Variants in DTNB observed in about 807,000 individuals in gnomAD.
DTNB encodes DTN-B.
DTNB carries 63 observed loss-of-function variants against 90.7 expected under a neutral mutation model. The ratio of observed to expected loss-of-function variants is 0.69; its 90% CI spans 0.57 to 0.86. The LOEUF is 0.86. DTNB is among the 40% of genes least tolerant of loss of function. The pLI is 0.00. For missense variants in DTNB, 744 were observed against 807.1 expected (o/e 0.92, Z 0.95); for synonymous variants, 277 against 286.7 (o/e 0.97, Z 0.34).
At chr2:25,474,613 T>C (rs2063423499) in intron 10 of DTNB, among the ~76,000 whole-genome samples, 1 of 152,214 alleles carries the variant, frequency 6.6e-6, no homozygotes, top group South Asian at 2.1e-4. Context: ...AGATAAACTC[T>C]TTACCTTGTC....
At chr2:25,573,795 A>AAC (rs1293534419) in intron 8 of DTNB, among the ~76,000 whole-genome samples, 1 of 152,152 alleles carries the variant, frequency 6.6e-6, no homozygotes, top group African/African-American at 2.4e-5. Flanking sequence ...CTAAGACAAT[A>AAC]ACACACATCT....
intron 9 of DTNB, among the ~76,000 whole-genome samples, chr2:25,520,473 C>G (rs1463600673): frequency 6.6e-6 from 1 of 152,196 alleles, no homozygotes; most frequent in African/African-American, 2.4e-5. Context: ...CCAGACTCAT[C>G]CATCATTTTA....
rs147813581 is a variant in DTNB, at chr2:25,523,284, A to G, written c.1001+8189T>C. ...TGTTAGCACCTTGCAGAGTAGCTAG[A>G]AGGTCCTCAATAAGTATTTGCTGAA... On this transcript the variant is annotated intron_variant, in intron 9 of 20. Coordinates refer to ENST00000406818, the MANE Select transcript of DTNB (RefSeq NM_021907.5). Among the ~76,000 whole-genome samples the G allele has an allele frequency of 9.7e-3, 1,472 of 152,326 alleles. 10 individuals are homozygous for G. The highest frequency in any genetic ancestry group is 0.016 in the Non-Finnish European group (1,113 of 68,032).
Position 25,652,471 on chromosome 2 carries a change from T to C in DTNB, c.67+123A>G, listed in dbSNP as rs546460804. ...CAACTCCATGATTCTTTAACTCCCA[T>C]TCTTCCCTCTGCAAAGCTTATAACA... On this transcript the variant is annotated intron_variant, in intron 2 of 20. Transcript: ENST00000406818. 57 of 969,726 alleles carry C rather than the reference T, an allele frequency of 5.9e-5. No individual in the cohort carries two copies. The African/African-American group carries it at 9.1e-4, about 15-fold the overall frequency. 60.1% of individuals were successfully genotyped at this position (969,726 alleles called of 1,614,324 possible).
chr2:25,448,305 G>T (rs1307818517), intron 12 of DTNB, among the ~76,000 whole-genome samples: 2 of 152,192 alleles, frequency 1.3e-5, no homozygotes, highest in Admixed American at 1.3e-4. Context: ...AGCAACAAAA[G>T]AAGTATTTGC....
chr2:25,547,779 T>C (rs902595533), intron 8 of DTNB, among the ~76,000 whole-genome samples: 5 of 152,228 alleles, frequency 3.3e-5, no homozygotes, highest in Non-Finnish European at 5.9e-5. Context: ...ACCTGTGAAA[T>C]AGTCGAGGCT....
At chr2:25,442,327 TA>T (rs2057600516) in intron 12 of DTNB, among the ~76,000 whole-genome samples, 1 of 152,218 alleles carries the variant, frequency 6.6e-6, no homozygotes, top group African/African-American at 2.4e-5. Flanking sequence ...GGCTTATCCC[TA>T]GTCCAGAAAC....
At chr2:25,650,323 AC>A in intron 2 of DTNB, 2 of 808,470 alleles carry the variant, frequency 2.5e-6, no homozygotes, top group Non-Finnish European at 3.0e-6. Flanking sequence ...TAGCCCTAGC[AC>A]CCAGAATAGT....
At chr2:25,546,363 C>A (rs1450628937) in intron 8 of DTNB, among the ~76,000 whole-genome samples, 1 of 152,256 alleles carries the variant, frequency 6.6e-6, no homozygotes, top group Non-Finnish European at 1.5e-5. Context: ...TCTTTTTCCT[C>A]TAAACTTTTC....
chr2:25,660,588 A>T (rs2149000924), intron 1 of DTNB, among the ~76,000 whole-genome samples: 1 of 152,342 alleles, frequency 6.6e-6, no homozygotes, highest in Admixed American at 6.5e-5. Flanking sequence ...TGTGGATTAT[A>T]TCTCAAATAA....
chr2:25,586,493 G>C (rs1004855041), intron 6 of DTNB, among the ~76,000 whole-genome samples: 1 of 142,462 alleles, frequency 7.0e-6, no homozygotes, highest in Non-Finnish European at 1.5e-5. Flanking sequence ...CTGGGCGACA[G>C]AGCATGACTC....
Position 25,387,204 on chromosome 2 carries a change from G to C in DTNB, c.1825+85C>G, listed in dbSNP as rs925215245. On this transcript the variant is annotated intron_variant, in intron 18 of 20. Coordinates refer to ENST00000406818, the MANE Select transcript of DTNB (RefSeq NM_021907.5). The surrounding 1 kb of genome is among the most constrained non-coding windows in gnomAD (Gnocchi z 4.5). The stretch of plus-strand genomic sequence containing the variant: ...GGGGTGGTGCAAGCTGGGTGGTGAG[G>C]TTCTGCCGGTGCTGGCAAGGAAGTG... The C allele has an allele frequency of 9.6e-6, 13 of 1,351,966 alleles. No homozygotes were observed. The highest frequency in any genetic ancestry group is 1.1e-5 in the Non-Finnish European group (11 of 969,148). 83.7% of individuals were successfully genotyped at this position (1,351,966 alleles called of 1,614,324 possible).
intron 10 of DTNB, among the ~76,000 whole-genome samples, chr2:25,457,827 G>C (rs746956801): frequency 9.9e-5 from 15 of 152,048 alleles, no homozygotes; most frequent in Non-Finnish European, 2.1e-4. Flanking sequence ...TCCTGTGCAT[G>C]ATGTTAATTA....
In DTNB at chr2:25,495,844, C is replaced by T. The variant is rs549407069; in HGVS notation, c.1002-12971G>A. ...TACCTACAATGAGGTTTCTGACTTC[C>T]GGGAAGTGCATTTAAGTTTACTGAT... is the stretch of plus-strand genomic sequence containing the variant. On this transcript the variant is annotated intron_variant, in intron 9 of 20. Coordinates refer to ENST00000406818, the MANE Select transcript of DTNB (RefSeq NM_021907.5). 3.9e-5 allele frequency among the ~76,000 whole-genome samples: 6 copies of T among 152,232 alleles called. No individual in the cohort carries two copies. In the South Asian group the frequency reaches 8.3e-4, roughly 21 times the overall value.
chr2:25,400,868 T>C (rs550752769), intron 16 of DTNB, among the ~76,000 whole-genome samples: 1 of 152,300 alleles, frequency 6.6e-6, no homozygotes, highest in East Asian at 1.9e-4. Flanking sequence ...CTGTTGCAAA[T>C]GTAGAGCCAG....
intron 10 of DTNB, among the ~76,000 whole-genome samples, chr2:25,469,704 A>G (rs952918280): frequency 2.6e-5 from 4 of 152,134 alleles, no homozygotes; most frequent in Non-Finnish European, 5.9e-5. Flanking sequence ...GGCCTCCCAA[A>G]GTGCTGGCAT....
chr2:25,626,540 G>T (rs1553619233), intron 4 of DTNB, among the ~76,000 whole-genome samples: 3 of 152,154 alleles, frequency 2.0e-5, no homozygotes, highest in Non-Finnish European at 2.9e-5. Flanking sequence ...GGGGAGGGAA[G>T]ACTGTTTGAG....
intron 4 of DTNB, among the ~76,000 whole-genome samples, chr2:25,617,514 T>G (rs555267758): frequency 6.6e-6 from 1 of 152,122 alleles, no homozygotes; most frequent in Non-Finnish European, 1.5e-5. Context: ...TATCAAAAGG[T>G]TTATACACTC....
chr2:25,383,045 C>A (rs1377955024), intron 19 of DTNB, among the ~76,000 whole-genome samples: 1 of 152,158 alleles, frequency 6.6e-6, no homozygotes, highest in Non-Finnish European at 1.5e-5. Context: ...TTTGCTGACA[C>A]CTTCCCTTCT....
Sources: gnomAD v4.1 joint callset for allele counts (sites outside exome capture counted in the v4.1 genomes callset) on GRCh38, gnomAD v4.1.1 for gene constraint, Gnocchi (gnomAD v3.1) non-coding constraint, MANE v1.5 for transcripts, NCBI Gene and HGNC (gene_info 2026-07-23, HGNC 2026-07-21) for gene names.